Variants in SUMF1 observed in about 807,000 individuals in gnomAD.
The protein encoded by SUMF1 is sulfatase modifying factor 1, also known as formylglycine-generating enzyme.
SUMF1 carries 48 observed loss-of-function variants against 47.6 expected under a neutral mutation model. The observed-to-expected ratio is 1.01, with a 90% CI of 0.80 to 1.28. The LOEUF (loss-of-function observed/expected upper bound fraction) is 1.28, where lower values mean the gene tolerates loss of function less well. Ranked by LOEUF, SUMF1 falls within the 50% of genes most tolerant of loss-of-function variation. The pLI is 0.00. For synonymous variants in SUMF1, 230 were observed against 192.1 expected (o/e 1.20, Z -1.63); for missense variants, 571 against 485.4 (o/e 1.18, Z -1.66).
intron 9 of SUMF1, among the ~76,000 whole-genome samples, chr3:4,042,150 T>A (rs1052548846): frequency 6.6e-6 from 1 of 152,046 alleles, no homozygotes; most frequent in Non-Finnish European, 1.5e-5. Context: ...ATAAAACCTA[T>A]CTTGACTACT....
At position 4,090,628 on chromosome 3, in the gene SUMF1, C is replaced by T. The variant is rs539322939; in HGVS notation, c.1015-21883G>A. ...AACAAACTGTGCAGTATAAAAGCAT[C>T]CAGCAAACCCCCCATATTTGTTATT... On this transcript the variant is annotated intron_variant and NMD_transcript_variant, in intron 8 of 12. Transcript: ENST00000448413. Among the ~76,000 whole-genome samples, 7 of 152,188 alleles carry T rather than the reference C, an allele frequency of 4.6e-5. No homozygotes were observed. In the East Asian group the frequency reaches 1.4e-3, roughly 29 times the overall value.
chr3:4,250,119 G>A (rs1696763259), intron 8 of SUMF1, among the ~76,000 whole-genome samples: 1 of 150,166 alleles, frequency 6.7e-6, no homozygotes, highest in African/African-American at 2.4e-5. Context: ...GGAGGCAGAG[G>A]TTAGTGGAAG....
chr3:4,076,065 G>A lies in SUMF1; in HGVS notation c.1015-7320C>T, dbSNP rs558831751. Among the ~76,000 whole-genome samples the A allele has an allele frequency of 2.0e-4, 31 of 152,032 alleles. 1 individual carries two copies. Among genetic ancestry groups the A allele is most frequent in the Non-Finnish European group, 4.0e-4 (27 of 68,012 alleles). On this transcript the variant is annotated intron_variant and NMD_transcript_variant, in intron 8 of 12. Coordinates refer to the SUMF1 transcript ENST00000448413. ...CTAAGCAAAAAGAACAAAGCTGGAGGCATCATGCTACCTGACTTTAAACTA... is the reference window on the plus strand; with the variant it reads ...CTAAGCAAAAAGAACAAAGCTGGAGACATCATGCTACCTGACTTTAAACTA...
chr3:4,153,143 G>A (rs968279518), intron 8 of SUMF1, among the ~76,000 whole-genome samples: 21 of 151,410 alleles, frequency 1.4e-4, no homozygotes, highest in Non-Finnish European at 8.8e-5. Flanking sequence ...GTTGTACACC[G>A]TAAATACATA....
chr3:4,251,681 C>G (rs1696804982), intron 8 of SUMF1, among the ~76,000 whole-genome samples: 1 of 152,166 alleles, frequency 6.6e-6, no homozygotes, highest in East Asian at 1.9e-4. Flanking sequence ...AGCTAGGCTT[C>G]TCTCTAGCTT....
At position 4,083,097 on chromosome 3, in the gene SUMF1, G is replaced by A. The variant is rs143895854; in HGVS notation, c.1015-14352C>T. On this transcript the variant is annotated intron_variant and NMD_transcript_variant, in intron 8 of 12. Coordinates refer to the SUMF1 transcript ENST00000448413. ...CTCCGGCTAGATCAAAGTGCACCCC[G>A]TGGATAAACATGCCCAGACTGAAAA... 6.5e-3 allele frequency among the ~76,000 whole-genome samples: 982 copies of A among 152,238 alleles called. 10 individuals carry two copies. The highest frequency in any genetic ancestry group is 0.022 in the African/African-American group (927 of 41,526).
At chr3:4,386,722 A>G (rs959868190) in intron 7 of SUMF1, among the ~76,000 whole-genome samples, 1 of 152,072 alleles carries the variant, frequency 6.6e-6, no homozygotes, top group African/African-American at 2.4e-5. Flanking sequence ...CATTAAGTAT[A>G]ATGGTAGGTA....
chr3:4,131,841 C>T (rs1310202057), intron 8 of SUMF1, among the ~76,000 whole-genome samples: 1 of 152,114 alleles, frequency 6.6e-6, no homozygotes, highest in Non-Finnish European at 1.5e-5. Flanking sequence ...CACCACTCAG[C>T]CTCTTTCCCC....
chr3:4,453,696 G>C (rs1271535934), intron 1 of SUMF1, among the ~76,000 whole-genome samples: 2 of 151,972 alleles, frequency 1.3e-5, no homozygotes, highest in Non-Finnish European at 2.9e-5. Flanking sequence ...ACCATGCCCG[G>C]CTAATTTTTG....
chr3:4,333,904 G>T (rs115324589), intron 8 of SUMF1, among the ~76,000 whole-genome samples: 3,255 of 151,938 alleles, frequency 0.021, 112 homozygotes, highest in African/African-American at 0.07. Context: ...GGGGTGGGGG[G>T]ACTGCTTGAG....
At chr3:4,066,730 G>A (rs151114758) in intron 9 of SUMF1, among the ~76,000 whole-genome samples, 2 of 152,238 alleles carry the variant, frequency 1.3e-5, no homozygotes, top group East Asian at 3.9e-4. Context: ...GATGTCACCT[G>A]CAATATAACA....
downstream of SUMF1, among the ~76,000 whole-genome samples, chr3:4,358,990 G>C (rs1331105277): frequency 1.3e-5 from 2 of 152,176 alleles, no homozygotes; most frequent in African/African-American, 4.8e-5. Context: ...TGTTAGTGCT[G>C]TGGTACAATG....
intron 9 of SUMF1, among the ~76,000 whole-genome samples, chr3:4,067,696 CTCAA>C (rs1559441373): frequency 6.6e-6 from 1 of 152,116 alleles, no homozygotes; most frequent in Non-Finnish European, 1.5e-5. Context: ...AATATCCGTG[CTCAA>C]TCAAAGAAAT....
At chr3:4,446,581 T>C (rs903557925) in intron 3 of SUMF1, among the ~76,000 whole-genome samples, 1 of 152,192 alleles carries the variant, frequency 6.6e-6, no homozygotes, top group Non-Finnish European at 1.5e-5. Flanking sequence ...GCCGCTAACA[T>C]TATAAAAAGA....
intron 8 of SUMF1, among the ~76,000 whole-genome samples, chr3:4,109,646 A>G (rs1693245627): frequency 6.6e-6 from 1 of 151,696 alleles, no homozygotes; most frequent in African/African-American, 2.4e-5. Context: ...TTTTCTCTAA[A>G]CTTCCCTTCT....
At chr3:4,328,064 A>T (rs1290484554) in intron 8 of SUMF1, among the ~76,000 whole-genome samples, 1 of 151,934 alleles carries the variant, frequency 6.6e-6, no homozygotes, top group African/African-American at 2.4e-5. Flanking sequence ...AAAAAAAATT[A>T]AAAATTAGCT....
chr3:4,282,998 T>G (rs1020035587), intron 8 of SUMF1, among the ~76,000 whole-genome samples: 2 of 152,222 alleles, frequency 1.3e-5, no homozygotes, highest in Non-Finnish European at 2.9e-5. Context: ...ATGAATTAGA[T>G]GACTGCCTCT....
At chr3:4,113,258 G>A (rs903321835) in intron 8 of SUMF1, among the ~76,000 whole-genome samples, 7 of 152,134 alleles carry the variant, frequency 4.6e-5, no homozygotes, top group Admixed American at 3.3e-4. Context: ...CCTGGGCATA[G>A]TAGCTCATAC....
At chr3:4,431,777 T>C (rs935724369) in intron 3 of SUMF1, among the ~76,000 whole-genome samples, 1 of 152,200 alleles carries the variant, frequency 6.6e-6, no homozygotes, top group Non-Finnish European at 1.5e-5. Context: ...TAGCAAGGTA[T>C]CTCCGGCTGG....
Sources: gnomAD v4.1 joint callset for allele counts (sites outside exome capture counted in the v4.1 genomes callset) on GRCh38, gnomAD v4.1.1 for gene constraint, MANE v1.5 for transcripts, NCBI Gene and HGNC (gene_info 2026-07-23, HGNC 2026-07-21) for gene names.